Variants in ASPA observed in about 807,000 individuals in gnomAD.
ASPA encodes the protein aspartoacylase.
ASPA carries 25 observed loss-of-function variants against 29.6 expected under a neutral mutation model. That is an observed-to-expected ratio of 0.85 (90% confidence interval 0.62 to 1.18). ASPA has a LOEUF of 1.18. ASPA is among the 50% of genes most tolerant of loss of function. The pLI is 0.00. For missense variants in ASPA, 333 were observed against 385.7 expected (o/e 0.86, Z 1.14); for synonymous variants, 131 against 130.3 (o/e 1.01, Z -0.04).
chr17:3,499,389 T>C lies in ASPA; in HGVS notation c.*301T>C, dbSNP rs1490962577. On this transcript the variant is annotated 3_prime_UTR_variant, in exon 6 of 6. Coordinates refer to ENST00000263080, the MANE Select transcript of ASPA (RefSeq NM_000049.4). The stretch of plus-strand genomic sequence containing the variant: ...TTGTATTCAGAATATAAAATTGAAA[T>C]AGATATATATAAAGTTATTTGTTTT... 6 of 207,582 alleles carry C rather than the reference T, an allele frequency of 2.9e-5. No homozygotes were observed. The highest frequency in any genetic ancestry group is 1.1e-4 in the Admixed American group (2 of 18,192). The allele number at this position is 207,582 out of a possible 1,614,324, so 12.9% of individuals were successfully genotyped here.
chr17:3,491,719 G>A (rs1418244211), intron 4 of ASPA, among the ~76,000 whole-genome samples: 2 of 151,778 alleles, frequency 1.3e-5, no homozygotes. Context: ...CTGCACTCCA[G>A]CCTCGGTGAC....
chr17:3,477,206 C>T lies in ASPA; in HGVS notation c.236+811C>T, dbSNP rs559025795. ...AAAGACATCAGACCTCCCTGTGATC[C>T]GAAGTAGCAGACGTACTTAACTTCC... On this transcript the variant is annotated intron_variant, in intron 1 of 5. Coordinates refer to ENST00000263080, the MANE Select transcript of ASPA (RefSeq NM_000049.4). 2.0e-3 allele frequency among the ~76,000 whole-genome samples: 305 copies of T among 152,024 alleles called. 1 individual carries two copies. Among genetic ancestry groups the T allele is most frequent in the African/African-American group, 6.4e-3 (264 of 41,474 alleles).
intron 5 of ASPA, among the ~76,000 whole-genome samples, chr17:3,495,852 C>A (rs1257063169): frequency 2.0e-5 from 3 of 152,188 alleles, no homozygotes; most frequent in African/African-American, 7.2e-5. Flanking sequence ...CAGGCATGAG[C>A]CACCTTGCCC....
At chr17:3,494,071 T>C (rs1054491842) in intron 4 of ASPA, among the ~76,000 whole-genome samples, 4 of 151,916 alleles carry the variant, frequency 2.6e-5, no homozygotes, top group Non-Finnish European at 5.9e-5. Flanking sequence ...AGTTTCACTC[T>C]TGTTGCCCAG....
At chr17:3,487,438 G>T (rs912339378) in intron 3 of ASPA, among the ~76,000 whole-genome samples, 22 of 152,276 alleles carry the variant, frequency 1.4e-4, no homozygotes, top group African/African-American at 4.6e-4. Context: ...GGCTCAACTT[G>T]TAAGGGCCAA....
At chr17:3,479,666 T>C (rs1363026094) in intron 1 of ASPA, among the ~76,000 whole-genome samples, 1 of 152,086 alleles carries the variant, frequency 6.6e-6, no homozygotes, top group East Asian at 1.9e-4. Flanking sequence ...CCCTTCTACC[T>C]TCCCAGTGCA....
intron 3 of ASPA, among the ~76,000 whole-genome samples, chr17:3,487,435 C>A (rs1174768338): frequency 1.3e-5 from 2 of 152,124 alleles, no homozygotes; most frequent in Non-Finnish European, 2.9e-5. Flanking sequence ...TTTGGCTCAA[C>A]TTGTAAGGGC....
At chr17:3,484,175 C>T (rs905806222) in intron 3 of ASPA, among the ~76,000 whole-genome samples, 7 of 152,126 alleles carry the variant, frequency 4.6e-5, no homozygotes, top group African/African-American at 1.7e-4. Flanking sequence ...AGATTCAGTT[C>T]ACCTGTCACC....
chr17:3,492,272 C>T (rs1289461521), intron 4 of ASPA, among the ~76,000 whole-genome samples: 1 of 152,216 alleles, frequency 6.6e-6, no homozygotes. Flanking sequence ...GTAAGATGGC[C>T]AGAACAATAC....
chr17:3,479,966 G>C (rs891308570), intron 1 of ASPA, among the ~76,000 whole-genome samples: 3 of 152,158 alleles, frequency 2.0e-5, no homozygotes, highest in African/African-American at 7.2e-5. Flanking sequence ...TTTGAGAATG[G>C]AAGAAAAACT....
At chr17:3,497,079 A>C (rs2073921649) in intron 5 of ASPA, among the ~76,000 whole-genome samples, 1 of 152,070 alleles carries the variant, frequency 6.6e-6, no homozygotes, top group Non-Finnish European at 1.5e-5. Flanking sequence ...AAAAAGAAAA[A>C]ATGCTGATTT....
At chr17:3,478,142 GC>G (rs1227710362) in intron 1 of ASPA, among the ~76,000 whole-genome samples, 2 of 152,022 alleles carry the variant, frequency 1.3e-5, no homozygotes, top group Non-Finnish European at 2.9e-5. Context: ...CAGAGATGGT[GC>G]CACTGCACTC....
intron 4 of ASPA, among the ~76,000 whole-genome samples, chr17:3,492,303 T>C (rs1055441049): frequency 1.3e-5 from 2 of 152,236 alleles, no homozygotes; most frequent in African/African-American, 2.4e-5. Flanking sequence ...CAAACATAGA[T>C]GGAAGTTAGG....
rs2073973716 is a variant in ASPA at position 3,500,235 on chromosome 17, T to C, written c.*1147T>C. On this transcript the variant is annotated 3_prime_UTR_variant, in exon 6 of 6. Transcript: ENST00000263080. ...AGTGGAAAGCGAACCAGCAAGTTGC[T>C]GATGTGGAAGCTGTAGCAAGTTATC... is the stretch of plus-strand genomic sequence containing the variant. 6.6e-6 allele frequency: 1 copy of C among 152,248 alleles called. No individual in the cohort carries two copies. Among genetic ancestry groups the C allele is most frequent in the South Asian group, 2.1e-4 (1 of 4,828 alleles). 9.4% of individuals were successfully genotyped at this position (152,248 alleles called of 1,614,324 possible).
At chr17:3,478,197 A>G (rs2073565554) in intron 1 of ASPA, among the ~76,000 whole-genome samples, 2 of 151,530 alleles carry the variant, frequency 1.3e-5, no homozygotes, top group Non-Finnish European at 2.9e-5. Context: ...AAAAAAAAAT[A>G]TATATATATA....
In ASPA at chr17:3,498,998, T is replaced by C. The variant is rs370915844; in HGVS notation, c.852T>C (p.Asn284=). 7 of 1,614,230 alleles carry C rather than the reference T, an allele frequency of 4.3e-6. No homozygotes were observed. In the East Asian group the frequency reaches 6.7e-5, roughly 15 times the overall value. ...GDCTVYPVFV[N]EAAYYEKKEA... is the part of the protein sequence containing the mutation. ...GTACCGTGTACCCCGTGTTTGTGAA[T>C]GAGGCCGCATATTACGAAAAGAAAG... is the stretch of plus-strand genomic sequence containing the variant. The change falls in exon 6 of 6, where the codon AAT becomes AAC. Residue 284 remains asparagine (N), a synonymous_variant. Transcript: ENST00000263080.
intron 3 of ASPA, among the ~76,000 whole-genome samples, chr17:3,487,995 T>A (rs1185036251): frequency 2.0e-5 from 3 of 152,230 alleles, no homozygotes; most frequent in Non-Finnish European, 4.4e-5. Flanking sequence ...CATACATATA[T>A]GCAAGAAACC....
intron 1 of ASPA, among the ~76,000 whole-genome samples, chr17:3,480,541 G>T (rs2073609843): frequency 6.6e-6 from 1 of 152,084 alleles, no homozygotes; most frequent in Admixed American, 6.6e-5. Context: ...GTCAACTCAG[G>T]GTTTACAAAA....
intron 5 of ASPA, among the ~76,000 whole-genome samples, chr17:3,496,641 C>G (rs1477220435): frequency 6.6e-6 from 1 of 152,204 alleles, no homozygotes; most frequent in Non-Finnish European, 1.5e-5. Context: ...CTAAGAATGA[C>G]AGTTCTTACT....
Sources: gnomAD v4.1 joint callset for allele counts (sites outside exome capture counted in the v4.1 genomes callset) on GRCh38, gnomAD v4.1.1 for gene constraint, MANE v1.5 for transcripts, NCBI Gene and HGNC (gene_info 2026-07-23, HGNC 2026-07-21) for gene names.